Variants in CORO2B observed in about 807,000 individuals in gnomAD.
CORO2B encodes the protein coronin 2B, also known as coronin-2B.
CORO2B carries 26 observed loss-of-function variants against 58.8 expected under a neutral mutation model. That is an observed-to-expected ratio of 0.44 (90% CI 0.32 to 0.61). The LOEUF (loss-of-function observed/expected upper bound fraction) is 0.61, where lower values mean the gene tolerates loss of function less well. Ranked by LOEUF, CORO2B falls within the 20% of genes least tolerant of loss-of-function variation. The pLI is 0.04. For synonymous variants in CORO2B, 242 were observed against 253.8 expected (o/e 0.95, Z 0.44); for missense variants, 460 against 645.1 (o/e 0.71, Z 3.11).
At chr15:68,654,532 C>T (rs1306872601) in intron 2 of CORO2B, among the ~76,000 whole-genome samples, 1 of 152,218 alleles carries the variant, frequency 6.6e-6, no homozygotes, top group Non-Finnish European at 1.5e-5. Flanking sequence ...GATCTGCTAC[C>T]CATTTTCCTT....
chr15:68,725,189 T>C (rs1893263046), intron 11 of CORO2B, among the ~76,000 whole-genome samples: 1 of 152,002 alleles, frequency 6.6e-6, no homozygotes, highest in Non-Finnish European at 1.5e-5. Context: ...GCCAACATGG[T>C]GAAACCCAGT....
upstream of CORO2B, among the ~76,000 whole-genome samples, chr15:68,577,984 G>A (rs532395930): frequency 1.3e-5 from 2 of 152,248 alleles, no homozygotes; most frequent in East Asian, 1.9e-4. Flanking sequence ...CCTGCTTGGA[G>A]AACCCCTCTG....
At chr15:68,654,715 G>A (rs780432741) in intron 2 of CORO2B, among the ~76,000 whole-genome samples, 99 of 152,364 alleles carry the variant, frequency 6.5e-4, no homozygotes, top group Non-Finnish European at 1.1e-3. Flanking sequence ...CACTTAGCAC[G>A]TAGCCTGGCC....
chr15:68,564,582 G>A, the CORO2B span, among the ~76,000 whole-genome samples: 9 of 152,278 alleles, frequency 5.9e-5, no homozygotes, highest in South Asian at 1.9e-3. Context: ...ACAGTGCCGG[G>A]ATTACAGGCA....
rs530280560 is a variant in CORO2B at position 68,666,932 on chromosome 15, G to A, written c.216+21572G>A. 1.1e-3 allele frequency among the ~76,000 whole-genome samples: 171 copies of A among 152,246 alleles called. 4 individuals carry two copies. In the South Asian group the frequency reaches 0.016, roughly 14 times the overall value. The stretch of plus-strand genomic sequence containing the variant: ...ATCTAGGCATTGCCAGAAACCTGCC[G>A]CATGCCCTTGGGTGAGATTTGGCTC... On this transcript the variant is annotated intron_variant, in intron 2 of 11. Transcript: ENST00000261861.
chr15:68,717,246 A>G (rs1268562023), intron 8 of CORO2B, among the ~76,000 whole-genome samples: 1 of 151,796 alleles, frequency 6.6e-6, no homozygotes, highest in Non-Finnish European at 1.5e-5. Flanking sequence ...CCCGGGAGGC[A>G]GAGGTTGCGG....
At chr15:68,608,060 G>A (rs376263216) in intron 1 of CORO2B, among the ~76,000 whole-genome samples, 5 of 152,344 alleles carry the variant, frequency 3.3e-5, no homozygotes, top group South Asian at 2.1e-4. Context: ...TTGCAGAGGC[G>A]TATGTCCTTT....
intron 1 of CORO2B, among the ~76,000 whole-genome samples, chr15:68,633,539 A>ACACACACACG (rs1566990648): frequency 6.6e-6 from 1 of 151,828 alleles, no homozygotes; most frequent in Non-Finnish European, 1.5e-5. Context: ...ACACACACAC[A>ACACACACACG]CACACACTCA....
At chr15:68,573,898 C>T in the CORO2B span, among the ~76,000 whole-genome samples, 1 of 152,140 alleles carries the variant, frequency 6.6e-6, no homozygotes. Context: ...ATTCCAATCA[C>T]AGTCTAGGAA....
At chr15:68,598,451 T>C (rs1367540806) in intron 1 of CORO2B, among the ~76,000 whole-genome samples, 1 of 152,122 alleles carries the variant, frequency 6.6e-6, no homozygotes, top group African/African-American at 2.4e-5. Context: ...GGGGAAAAAA[T>C]GATCCAAGGG....
chr15:68,687,663 C>T (rs1903030878), intron 2 of CORO2B, among the ~76,000 whole-genome samples: 1 of 152,210 alleles, frequency 6.6e-6, no homozygotes, highest in Admixed American at 6.5e-5. Flanking sequence ...TTTTATGTTG[C>T]TGGGCACATT....
intron 1 of CORO2B, among the ~76,000 whole-genome samples, chr15:68,637,457 G>A (rs2415025): frequency 0.19 from 29,540 of 152,116 alleles, 5,254 homozygotes; most frequent in African/African-American, 0.47. Context: ...AGTTGATAAC[G>A]GTGTCTTTCC....
the CORO2B span, among the ~76,000 whole-genome samples, chr15:68,573,791 A>G: frequency 6.6e-6 from 1 of 152,216 alleles, no homozygotes; most frequent in Non-Finnish European, 1.5e-5. Context: ...GAGCTTGTCA[A>G]ATACACAAAC....
chr15:68,719,321 C>G (rs770645724), intron 10 of CORO2B, 87 bp downstream of exon 10: 2 of 1,598,446 alleles, frequency 1.3e-6, no homozygotes, highest in Non-Finnish European at 1.7e-6. Flanking sequence ...TGTCTGTCCC[C>G]CTGTTTGAAC....
chr15:68,719,188 G>C lies in CORO2B; in HGVS notation c.1125G>C (p.Thr375=). 6.2e-7 allele frequency: 1 copy of C among 1,614,116 alleles called. No individual in the cohort carries two copies. The highest frequency in any genetic ancestry group is 1.3e-5 in the African/African-American group (1 of 75,042). Residue 375 remains threonine (T), a synonymous_variant, in exon 10 of 12, where the codon ACG becomes ACC. Coordinates refer to ENST00000261861, the MANE Select transcript of CORO2B (RefSeq NM_006091.5). The part of the protein sequence containing the change: ...QEDIYPMTPG[T]EPALTPDEWL... ...ACATTTACCCAATGACACCAGGCAC[G>C]GAGCCAGCACTGACCCCGGATGAAT...
chr15:68,554,788 G>A, the CORO2B span, among the ~76,000 whole-genome samples: 26,491 of 152,142 alleles, frequency 0.17, 2,469 homozygotes, highest in Middle Eastern at 0.24. Flanking sequence ...AGGAAGGGAC[G>A]GAGCCAGGGC....
intron 1 of CORO2B, among the ~76,000 whole-genome samples, chr15:68,601,271 G>A (rs1899974838): frequency 6.6e-6 from 1 of 152,230 alleles, no homozygotes; most frequent in Non-Finnish European, 1.5e-5. Context: ...AGATGGTTGA[G>A]ATACTGCCGC....
rs183933422 is a variant in CORO2B at position 68,715,060 on chromosome 15, T to C, written c.871-155T>C. On this transcript the variant is annotated intron_variant, in intron 7 of 11. Coordinates refer to ENST00000261861, the MANE Select transcript of CORO2B (RefSeq NM_006091.5). ...TCCACCCGCAGTGAGTCCCCTGTGG[T>C]GCACCCACTAGGAGCCTAGAAGCCA... Among the ~76,000 whole-genome samples, 1,122 of 152,228 alleles carry C rather than the reference T, an allele frequency of 7.4e-3. 8 individuals are homozygous for C. Among genetic ancestry groups the C allele is most frequent in the Non-Finnish European group, 0.011 (782 of 68,014 alleles).
rs1006455484 is a variant in CORO2B, at chr15:68,714,812, G to A, written c.870+149G>A. 25 of 645,884 alleles carry A rather than the reference G, an allele frequency of 3.9e-5. No individual in the cohort carries two copies. In the African/African-American group the frequency reaches 4.5e-4, roughly 12 times the overall value. 40.0% of individuals were successfully genotyped at this position (645,884 alleles called of 1,614,324 possible). The stretch of plus-strand genomic sequence containing the variant: ...CTTTCCCATCCACACCTGCCCTCAA[G>A]TCTGACACCCATTCTTACTCAAGTG... On this transcript the variant is annotated intron_variant, in intron 7 of 11. Transcript: ENST00000261861.
Sources: gnomAD v4.1 joint callset for allele counts (sites outside exome capture counted in the v4.1 genomes callset) on GRCh38, gnomAD v4.1.1 for gene constraint, MANE v1.5 for transcripts, NCBI Gene and HGNC (gene_info 2026-07-23, HGNC 2026-07-21) for gene names.